The following CD86 variants were observed in gnomAD, a reference collection of about 807,000 sequenced individuals.
CD86 encodes T-lymphocyte activation antigen CD86.
In CD86, 11 loss-of-function variants were observed where a neutral mutation model predicts 32.1. That is an observed-to-expected ratio of 0.34 (90% confidence interval 0.22 to 0.57). CD86 has a LOEUF of 0.57. Among genes scored for constraint, CD86 ranks in the 20% least tolerant of loss-of-function variants. The probability of loss-of-function intolerance (pLI) is 0.86; values close to 1 mark genes in which losing one functional copy is unlikely to be tolerated. For synonymous variants in CD86, 137 were observed against 135.3 expected, an observed-to-expected ratio of 1.01 and a Z score of -0.09; for missense variants, 359 against 398.4, an observed-to-expected ratio of 0.90 and a Z score of 0.84.
intron 1 of CD86, among the ~76,000 whole-genome samples, chr3:122,069,426 C>T: frequency 6.6e-6 from 1 of 152,158 alleles, no homozygotes; most frequent in East Asian, 1.9e-4. Flanking sequence ...TTGTGTGTTG[C>T]TAGAGTCAAT....
At chr3:122,078,969 C>T (rs1443927700) in intron 1 of CD86, among the ~76,000 whole-genome samples, 1 of 152,140 alleles carries the variant, frequency 6.6e-6, no homozygotes, top group Non-Finnish European at 1.5e-5. Context: ...GTGAGCTATC[C>T]TGTGTATAAT....
At chr3:122,074,105 T>A (rs960768311) in intron 1 of CD86, among the ~76,000 whole-genome samples, 1 of 152,208 alleles carries the variant, frequency 6.6e-6, no homozygotes, top group Non-Finnish European at 1.5e-5. Flanking sequence ...GGCAGCTCCC[T>A]GCCCCCATGC....
chr3:122,078,137 G>A lies in CD86; in HGVS notation c.15-13464G>A, dbSNP rs9282646. 72 of 766,028 alleles carry A rather than the reference G, an allele frequency of 9.4e-5. 1 individual carries two copies. The African/African-American group carries it at 1.1e-3, about 12-fold the overall frequency. 47.5% of individuals were successfully genotyped at this position (766,028 alleles called of 1,614,324 possible). ...CAGAAATGCTGATGTGCTAATGGCC[G>A]GCCAGAGAATGAGTAAAAGGGATTG... On this transcript the variant is annotated intron_variant, in intron 1 of 6. Coordinates refer to ENST00000330540, the MANE Select transcript of CD86 (RefSeq NM_175862.5).
chr3:122,102,409 T>A (rs1456160190), intron 2 of CD86, among the ~76,000 whole-genome samples: 2 of 133,758 alleles, frequency 1.5e-5, no homozygotes, highest in African/African-American at 5.7e-5. Context: ...CTGCTTACTT[T>A]TTTTTTTTTT....
intron 5 of CD86, among the ~76,000 whole-genome samples, chr3:122,116,124 A>C (rs1200721957): frequency 6.6e-6 from 1 of 152,198 alleles, no homozygotes; most frequent in Non-Finnish European, 1.5e-5. Flanking sequence ...AGAAAGCAAA[A>C]ACCATATCAT....
chr3:122,093,600 C>A (rs1246466070), intron 2 of CD86, among the ~76,000 whole-genome samples: 1 of 152,090 alleles, frequency 6.6e-6, no homozygotes, highest in Non-Finnish European at 1.5e-5. Context: ...CATATCTAAG[C>A]ATAGAAAAGA....
chr3:122,119,367 T>C, intron 6 of CD86, 71 bp from the exon 7 acceptor site: 1 of 857,222 alleles, frequency 1.2e-6, no homozygotes, highest in South Asian at 1.4e-5. Context: ...TTCTGCCCTA[T>C]CATTGAAATC....
rs375922417 is a variant in CD86 at position 122,089,468 on chromosome 3, G to A, written c.15-2133G>A. Among the ~76,000 whole-genome samples, 42 of 151,686 alleles carry A rather than the reference G, an allele frequency of 2.8e-4. 1 individual carries two copies. The highest frequency in any genetic ancestry group is 9.4e-4 in the African/African-American group (39 of 41,316). On this transcript the variant is annotated intron_variant, in intron 1 of 6. Coordinates refer to ENST00000330540, the MANE Select transcript of CD86 (RefSeq NM_175862.5). Reference sequence around the variant, plus strand: ...CTCTTGTGTTGATCAGAGCATAAACGTATAATCTCATAAACTAATAAAGAT... The same window carrying A: ...CTCTTGTGTTGATCAGAGCATAAACATATAATCTCATAAACTAATAAAGAT...
chr3:122,114,555 C>G (rs1241970775), intron 5 of CD86, among the ~76,000 whole-genome samples: 2 of 152,014 alleles, frequency 1.3e-5, no homozygotes, highest in Non-Finnish European at 2.9e-5. Context: ...TGATACTGAA[C>G]TAGGAAAAGA....
At chr3:122,106,790 A>T (rs1435683947) in intron 4 of CD86, among the ~76,000 whole-genome samples, 1 of 150,864 alleles carries the variant, frequency 6.6e-6, no homozygotes, top group East Asian at 1.9e-4. Context: ...AAAATACAGG[A>T]TTCCTCCAGG....
intron 1 of CD86, among the ~76,000 whole-genome samples, chr3:122,074,137 C>T (rs1425998125): frequency 6.6e-6 from 1 of 152,208 alleles, no homozygotes; most frequent in Non-Finnish European, 1.5e-5. Context: ...ATGAGAATAT[C>T]TACTGATGCT....
At chr3:122,091,319 A>G (rs1245904976) in intron 1 of CD86, among the ~76,000 whole-genome samples, 1 of 152,150 alleles carries the variant, frequency 6.6e-6, no homozygotes, top group East Asian at 1.9e-4. Flanking sequence ...AAGAGAAGAG[A>G]CTTTAGCAGC....
At chr3:122,093,510 G>A (rs1559907105) in intron 2 of CD86, among the ~76,000 whole-genome samples, 1 of 152,130 alleles carries the variant, frequency 6.6e-6, no homozygotes, top group Non-Finnish European at 1.5e-5. Context: ...ATTGCTCCTA[G>A]GCTACAAGCC....
At chr3:122,101,513 A>AT (rs1553753638) in intron 2 of CD86, among the ~76,000 whole-genome samples, 780 of 44,922 alleles carry the variant, frequency 0.017, 3 homozygotes, top group East Asian at 0.035. Flanking sequence ...AAAAAAAAAA[A>AT]ATATATATAT....
chr3:122,070,091 C>T (rs566966573), intron 1 of CD86, among the ~76,000 whole-genome samples: 7 of 152,250 alleles, frequency 4.6e-5, no homozygotes, highest in Admixed American at 2.0e-4. Flanking sequence ...GCTGAAGCCA[C>T]CATGTGATTT....
At chr3:122,109,527 G>A in intron 5 of CD86, 119 bp downstream of exon 5, 1 of 1,165,124 alleles carries the variant, frequency 8.6e-7, no homozygotes, top group Non-Finnish European at 1.3e-6. Context: ...GAAGTTGTTG[G>A]GAAAAAAGGT....
intron 1 of CD86, among the ~76,000 whole-genome samples, chr3:122,080,827 G>A (rs181248936): frequency 2.6e-5 from 4 of 152,130 alleles, no homozygotes; most frequent in Admixed American, 6.5e-5. Flanking sequence ...GATGGAGGAC[G>A]TCTCCACCTC....
chr3:122,119,731 C>T lies in CD86; in HGVS notation c.*197C>T, dbSNP rs1347565561. ...CGTATGCCAAGAGGAGACTTTAATTCTCTTACTGCTTCTTTTCACTTCAGA... is the reference window on the plus strand; with the variant it reads ...CGTATGCCAAGAGGAGACTTTAATTTTCTTACTGCTTCTTTTCACTTCAGA... On this transcript the variant is annotated 3_prime_UTR_variant, in exon 7 of 7. Transcript: ENST00000330540. 2 of 528,064 alleles carry T rather than the reference C, an allele frequency of 3.8e-6. No individual in the cohort carries two copies. The highest frequency in any genetic ancestry group is 6.7e-6 in the Non-Finnish European group (2 of 300,586). 32.7% of individuals were successfully genotyped at this position (528,064 alleles called of 1,614,324 possible).
chr3:122,071,998 C>T (rs1457676464), intron 1 of CD86, among the ~76,000 whole-genome samples: 6 of 150,494 alleles, frequency 4.0e-5, no homozygotes, highest in Middle Eastern at 3.2e-3. Flanking sequence ...TTTGTCCTTG[C>T]GGTAGTTTAC....
Sources: gnomAD v4.1 joint callset for allele counts (sites outside exome capture counted in the v4.1 genomes callset) on GRCh38, gnomAD v4.1.1 for gene constraint, MANE v1.5 for transcripts, NCBI Gene and HGNC (gene_info 2026-07-23, HGNC 2026-07-21) for gene names.